TTC27: variants seen among roughly 807,000 people sequenced by gnomAD.
The protein encoded by TTC27 is tetratricopeptide repeat protein 27.
A neutral mutation model predicts 115.9 loss-of-function variants in TTC27; 79 were observed. The observed-to-expected ratio is 0.68, with a 90% CI of 0.57 to 0.82. The LOEUF is 0.82. Ranked by LOEUF, TTC27 falls within the 40% of genes least tolerant of loss-of-function variation. The pLI, the probability that TTC27 is intolerant of heterozygous loss-of-function variation, is 0.00. For missense variants in TTC27, 1,054 were observed against 993.1 expected, an observed-to-expected ratio of 1.06 and a Z score of -0.82; for synonymous variants, 401 against 356.0, an observed-to-expected ratio of 1.13 and a Z score of -1.42.
intron 10 of TTC27, among the ~76,000 whole-genome samples, chr2:32,711,929 A>G (rs1287789995): frequency 1.3e-5 from 2 of 151,710 alleles, no homozygotes; most frequent in Non-Finnish European, 2.9e-5. Flanking sequence ...ACAGAGTGAG[A>G]CTCTGTCTCA....
At chr2:32,808,020 C>T (rs966952625) in intron 16 of TTC27, among the ~76,000 whole-genome samples, 10 of 150,890 alleles carry the variant, frequency 6.6e-5, no homozygotes, top group Non-Finnish European at 1.2e-4. Context: ...TGCAACCTCC[C>T]CTCCTGGGTT....
intron 12 of TTC27, among the ~76,000 whole-genome samples, chr2:32,755,127 C>G (rs1450967620): frequency 6.6e-6 from 1 of 152,020 alleles, no homozygotes; most frequent in Non-Finnish European, 1.5e-5. Context: ...AGATGCTCCT[C>G]ACTTTCCAGA....
intron 12 of TTC27, among the ~76,000 whole-genome samples, chr2:32,745,132 T>C (rs565233438): frequency 1.1e-4 from 16 of 150,758 alleles, no homozygotes; most frequent in African/African-American, 3.9e-4. Flanking sequence ...ATAGACTAGA[T>C]TATGCAACAC....
intron 12 of TTC27, among the ~76,000 whole-genome samples, chr2:32,741,512 C>T (rs538906556): frequency 2.4e-4 from 37 of 151,766 alleles, no homozygotes; most frequent in African/African-American, 8.5e-4. Context: ...ATTAACCGGA[C>T]GTGGTGGCAT....
At chr2:32,645,373 G>A (rs1664814907) in intron 4 of TTC27, among the ~76,000 whole-genome samples, 1 of 152,146 alleles carries the variant, frequency 6.6e-6, no homozygotes, top group South Asian at 2.1e-4. Context: ...TGTCTTGTGA[G>A]TATACTACTG....
intron 8 of TTC27, among the ~76,000 whole-genome samples, chr2:32,675,789 T>A (rs1666175635): frequency 6.6e-6 from 1 of 152,082 alleles, no homozygotes; most frequent in South Asian, 2.1e-4. Flanking sequence ...TGAATTCTTT[T>A]TTTTTTGTTT....
intron 16 of TTC27, among the ~76,000 whole-genome samples, chr2:32,805,498 T>C (rs1215623507): frequency 6.6e-6 from 1 of 152,188 alleles, no homozygotes; most frequent in Non-Finnish European, 1.5e-5. Flanking sequence ...CCTAGGGTTA[T>C]TGTGAGAATT....
At chr2:32,784,588 G>A (rs1670289390) in intron 15 of TTC27, among the ~76,000 whole-genome samples, 1 of 152,174 alleles carries the variant, frequency 6.6e-6, no homozygotes, top group Non-Finnish European at 1.5e-5. Context: ...ATATTCGGAT[G>A]TAATTTTAAT....
intron 10 of TTC27, among the ~76,000 whole-genome samples, chr2:32,713,805 C>T (rs1257351964): frequency 6.6e-6 from 1 of 151,952 alleles, no homozygotes; most frequent in South Asian, 2.1e-4. Context: ...GGTACATGTG[C>T]AAGTTGTTAA....
At chr2:32,800,199 G>GT (rs1404727372) in intron 16 of TTC27, among the ~76,000 whole-genome samples, 6 of 152,144 alleles carry the variant, frequency 3.9e-5, no homozygotes, top group African/African-American at 1.2e-4. Context: ...TTGTTTTTGT[G>GT]TTTTTTGAGA....
intron 16 of TTC27, among the ~76,000 whole-genome samples, chr2:32,799,989 A>G (rs146779723): frequency 2.7e-4 from 41 of 152,346 alleles, no homozygotes; most frequent in African/African-American, 6.5e-4. Context: ...CATTTCTGCC[A>G]GTCACTGGCT....
intron 13 of TTC27, among the ~76,000 whole-genome samples, chr2:32,760,185 A>G (rs988761928): frequency 1.3e-5 from 2 of 152,244 alleles, no homozygotes; most frequent in African/African-American, 4.8e-5. Flanking sequence ...TGAATGGTGA[A>G]TATAATTAGA....
At chr2:32,698,565 C>T (rs1232660736) in intron 9 of TTC27, among the ~76,000 whole-genome samples, 4 of 150,548 alleles carry the variant, frequency 2.7e-5, no homozygotes, top group East Asian at 2.0e-4. Flanking sequence ...CTGCAAGCTC[C>T]GCCTCCCGGG....
chr2:32,781,704 C>T (rs918627406), intron 14 of TTC27, among the ~76,000 whole-genome samples: 2 of 152,160 alleles, frequency 1.3e-5, no homozygotes, highest in African/African-American at 2.4e-5. Context: ...TCTTGGCCTC[C>T]TAAAGTGCTG....
intron 9 of TTC27, among the ~76,000 whole-genome samples, chr2:32,701,914 G>A (rs925892410): frequency 2.6e-5 from 4 of 151,792 alleles, no homozygotes; most frequent in African/African-American, 9.7e-5. Context: ...GGGTAGCTGA[G>A]GTGGGAGGAT....
chr2:32,730,555 A>G (rs1411074841), intron 10 of TTC27, among the ~76,000 whole-genome samples: 4 of 152,164 alleles, frequency 2.6e-5, no homozygotes, highest in African/African-American at 9.7e-5. Context: ...ATTAAAAAAA[A>G]AAAGAGTACT....
chr2:32,719,293 G>A (rs1301149074), intron 10 of TTC27, among the ~76,000 whole-genome samples: 1 of 152,198 alleles, frequency 6.6e-6, no homozygotes, highest in Non-Finnish European at 1.5e-5. Flanking sequence ...AGGCTTTGCA[G>A]TGATTAGGAG....
chr2:32,709,250 A>C (rs973462924), intron 10 of TTC27, among the ~76,000 whole-genome samples: 5 of 152,214 alleles, frequency 3.3e-5, no homozygotes, highest in African/African-American at 9.6e-5. Flanking sequence ...GCTGGACTTA[A>C]TGACTCACTT....
Position 32,721,867 on chromosome 2 carries a change from C to T in TTC27, c.1234-11961C>T, listed in dbSNP as rs189576563. 1.7e-3 allele frequency among the ~76,000 whole-genome samples: 262 copies of T among 152,170 alleles called. 2 individuals carry two copies. The highest frequency in any genetic ancestry group is 6.1e-3 in the African/African-American group (255 of 41,526). On this transcript the variant is annotated intron_variant, in intron 10 of 19. Coordinates refer to ENST00000317907, the MANE Select transcript of TTC27 (RefSeq NM_017735.5). ...CCCAGGTTGGTTTTGAACTCCTGGCCCCAACTTCCCAAAGCACTGGGATTC... is the reference window on the plus strand; with the variant it reads ...CCCAGGTTGGTTTTGAACTCCTGGCTCCAACTTCCCAAAGCACTGGGATTC...
Sources: gnomAD v4.1 joint callset for allele counts (sites outside exome capture counted in the v4.1 genomes callset) on GRCh38, gnomAD v4.1.1 for gene constraint, MANE v1.5 for transcripts, NCBI Gene and HGNC (gene_info 2026-07-23, HGNC 2026-07-21) for gene names.